Variants in ARHGAP42 observed in about 807,000 individuals in gnomAD.
ARHGAP42 encodes rho GTPase-activating protein 42.
ARHGAP42 carries 63 observed loss-of-function variants against 125.0 expected under a neutral mutation model. That is an observed-to-expected ratio of 0.50 (90% confidence interval 0.41 to 0.62). ARHGAP42 has a LOEUF of 0.62. Ranked by LOEUF, ARHGAP42 falls within the 20% of genes least tolerant of loss-of-function variation. ARHGAP42 has a pLI of 0.00. For synonymous variants in ARHGAP42, 339 were observed against 351.0 expected (o/e 0.97, Z 0.38); for missense variants, 766 against 1,024.2 (o/e 0.75, Z 3.44).
chr11:100,689,339 A>C (rs1861147830), intron 1 of ARHGAP42, among the ~76,000 whole-genome samples: 1 of 152,196 alleles, frequency 6.6e-6, no homozygotes, highest in South Asian at 2.1e-4. Flanking sequence ...CATCTAAGAG[A>C]GCATGATGCC....
chr11:100,760,086 C>A (rs1862667695), intron 1 of ARHGAP42, among the ~76,000 whole-genome samples: 1 of 152,136 alleles, frequency 6.6e-6, no homozygotes, highest in South Asian at 2.1e-4. Context: ...TTAAGTATAG[C>A]CAGGAAGCTC....
chr11:100,931,912 A>G (rs1034309993), intron 6 of ARHGAP42, among the ~76,000 whole-genome samples: 2 of 152,160 alleles, frequency 1.3e-5, no homozygotes, highest in African/African-American at 4.8e-5. Flanking sequence ...AGGTTTGATA[A>G]TAAGTATTAG....
rs567967348 is a variant in ARHGAP42, at chr11:100,789,426, G to A, written c.251-5679G>A. On this transcript the variant is annotated intron_variant, in intron 2 of 23. Coordinates refer to ENST00000298815, the MANE Select transcript of ARHGAP42 (RefSeq NM_152432.4). ...TGGGTGGATGAGTGGCAGGTAGCTG[G>A]AAAAAATGCTTGCAAGATCGTAGAC... Among the ~76,000 whole-genome samples the A allele has an allele frequency of 2.6e-5, 4 of 152,278 alleles. No individual in the cohort carries two copies. The South Asian group carries it at 8.3e-4, about 32-fold the overall frequency.
chr11:100,949,466 C>T (rs1226373846), intron 11 of ARHGAP42, among the ~76,000 whole-genome samples: 1 of 151,992 alleles, frequency 6.6e-6, no homozygotes, highest in East Asian at 1.9e-4. Context: ...TCACTCTTTA[C>T]CAGAAATAGT....
intron 1 of ARHGAP42, among the ~76,000 whole-genome samples, chr11:100,734,762 T>C (rs1232938268): frequency 6.6e-6 from 1 of 152,222 alleles, no homozygotes; most frequent in Admixed American, 6.5e-5. Context: ...CTTCTCATAC[T>C]CTACTTAACT....
chr11:100,742,330 G>A (rs1284479766), intron 1 of ARHGAP42, among the ~76,000 whole-genome samples: 1 of 147,224 alleles, frequency 6.8e-6, no homozygotes, highest in Non-Finnish European at 1.5e-5. Context: ...GGGTTGAAGT[G>A]GTCTTAACGT....
At chr11:100,732,198 C>G (rs548612424) in intron 1 of ARHGAP42, among the ~76,000 whole-genome samples, 3 of 152,210 alleles carry the variant, frequency 2.0e-5, no homozygotes, top group Non-Finnish European at 2.9e-5. Context: ...CTCAGGTGAT[C>G]CTCCCGCATC....
intron 5 of ARHGAP42, among the ~76,000 whole-genome samples, chr11:100,918,931 T>C (rs1047775565): frequency 2.0e-5 from 3 of 152,202 alleles, no homozygotes; most frequent in African/African-American, 7.2e-5. Flanking sequence ...TTAATACTTT[T>C]GTGTTGGGGT....
At chr11:100,764,217 C>G (rs1043613385) in intron 1 of ARHGAP42, among the ~76,000 whole-genome samples, 1 of 151,948 alleles carries the variant, frequency 6.6e-6, no homozygotes, top group Non-Finnish European at 1.5e-5. Context: ...AAAGTTAAGG[C>G]CTTGCTATGT....
At chr11:100,717,420 A>G (rs61910473) in intron 1 of ARHGAP42, among the ~76,000 whole-genome samples, 5 of 151,920 alleles carry the variant, frequency 3.3e-5, no homozygotes, top group Admixed American at 3.3e-4. Flanking sequence ...GGCGGATCAC[A>G]AGGTCAGGAG....
intron 3 of ARHGAP42, among the ~76,000 whole-genome samples, chr11:100,820,137 A>C (rs1341673194): frequency 6.6e-6 from 1 of 152,086 alleles, no homozygotes; most frequent in Non-Finnish European, 1.5e-5. Context: ...GCTAATTACT[A>C]ATGGAGTGTG....
At chr11:100,712,787 TTAAC>T (rs1366890608) in intron 1 of ARHGAP42, among the ~76,000 whole-genome samples, 1 of 152,212 alleles carries the variant, frequency 6.6e-6, no homozygotes, top group Admixed American at 6.5e-5. Flanking sequence ...TCTTTACTCT[TTAAC>T]TACATTTTTT....
chr11:100,783,956 A>G (rs1441209328), intron 2 of ARHGAP42, among the ~76,000 whole-genome samples: 1 of 152,166 alleles, frequency 6.6e-6, no homozygotes, highest in East Asian at 1.9e-4. Flanking sequence ...ATAACTTATG[A>G]TCTAATCAGT....
chr11:100,850,183 C>T (rs1430396757), intron 3 of ARHGAP42, among the ~76,000 whole-genome samples: 3 of 152,028 alleles, frequency 2.0e-5, no homozygotes, highest in Non-Finnish European at 4.4e-5. Flanking sequence ...ATAGACAGTG[C>T]GTATCACTTT....
chr11:100,799,627 G>A (rs940971731), intron 3 of ARHGAP42, among the ~76,000 whole-genome samples: 2 of 152,190 alleles, frequency 1.3e-5, no homozygotes, highest in Non-Finnish European at 2.9e-5. Context: ...GGAGCCAAGA[G>A]AAATAGTTCT....
At chr11:100,850,913 G>A (rs935746968) in intron 3 of ARHGAP42, among the ~76,000 whole-genome samples, 6 of 121,738 alleles carry the variant, frequency 4.9e-5, no homozygotes, top group Non-Finnish European at 7.9e-5. Context: ...ATGGAGTCTC[G>A]CTCTGTCACT....
intron 2 of ARHGAP42, among the ~76,000 whole-genome samples, chr11:100,779,462 A>T (rs1468658471): frequency 0.14 from 13,318 of 95,156 alleles, 1,442 homozygotes; most frequent in Non-Finnish European, 0.18. Flanking sequence ...AAAAAAAAAA[A>T]AAAAAATATA....
chr11:100,828,165 GCC>G (rs3216141), intron 3 of ARHGAP42, among the ~76,000 whole-genome samples: 26,425 of 151,924 alleles, frequency 0.17, 3,106 homozygotes, highest in South Asian at 0.4. Flanking sequence ...GGTCTCACTT[GCC>G]GCTAAGTGCT....
intron 17 of ARHGAP42, among the ~76,000 whole-genome samples, chr11:100,971,938 A>G (rs1188367220): frequency 3.9e-5 from 6 of 152,196 alleles, no homozygotes; most frequent in Non-Finnish European, 5.9e-5. Context: ...CTACATTTAC[A>G]TACTACTTTC....
Sources: gnomAD v4.1 joint callset for allele counts (sites outside exome capture counted in the v4.1 genomes callset) on GRCh38, gnomAD v4.1.1 for gene constraint, MANE v1.5 for transcripts, NCBI Gene and HGNC (gene_info 2026-07-23, HGNC 2026-07-21) for gene names.